The following FAT3 variants were observed in gnomAD, a reference collection of about 807,000 sequenced individuals.
FAT3 encodes FAT atypical cadherin 3, also known as protocadherin Fat 3.
Under a neutral mutation model 310.2 loss-of-function variants are expected in FAT3, and 95 were observed. That is an observed-to-expected ratio of 0.31 (90% CI 0.26 to 0.36). The LOEUF (loss-of-function observed/expected upper bound fraction) is 0.36, where lower values mean the gene tolerates loss of function less well. Among genes scored for constraint, FAT3 ranks in the 10% least tolerant of loss-of-function variants. FAT3 has a pLI of 1.00. For missense variants in FAT3, 5,408 were observed against 5,715.6 expected (o/e 0.95, Z 1.74); for synonymous variants, 2,314 against 2,192.9 (o/e 1.06, Z -1.54).
At position 92,416,906 on chromosome 11, in the gene FAT3, G is replaced by C. The variant is rs1411584197; in HGVS notation, c.3292+61502G>C. Among the ~76,000 whole-genome samples the C allele has an allele frequency of 2.6e-5, 4 of 152,202 alleles. No homozygotes were observed. The East Asian group carries it at 5.8e-4, about 22-fold the overall frequency. ...TTGACCTTTGGTTGGAGCAGATGAT[G>C]ATGAGCACCAGGACAGATGTGGGAA... On this transcript the variant is annotated intron_variant, in intron 2 of 27. Transcript: ENST00000525166.
At chr11:92,598,272 G>A (rs1939826811) in intron 3 of FAT3, among the ~76,000 whole-genome samples, 1 of 146,478 alleles carries the variant, frequency 6.8e-6, no homozygotes, top group Non-Finnish European at 1.5e-5. Context: ...TGTCACTCAG[G>A]CTGGAGTACA....
At chr11:92,846,784 A>C (rs890002258) in intron 19 of FAT3, among the ~76,000 whole-genome samples, 1 of 152,210 alleles carries the variant, frequency 6.6e-6, no homozygotes, top group South Asian at 2.1e-4. Context: ...GGGTTTGAAA[A>C]GCCAGCATTT....
intron 3 of FAT3, among the ~76,000 whole-genome samples, chr11:92,606,369 G>GC (rs1383756682): frequency 6.6e-6 from 1 of 152,154 alleles, no homozygotes; most frequent in African/African-American, 2.4e-5. Flanking sequence ...GGAGAGTGCA[G>GC]CATGCATGAC....
Position 92,809,872 on chromosome 11 carries a change from C to A in FAT3, c.9277C>A (p.Arg3093=), listed in dbSNP as rs1022891492. The change falls in exon 13 of 28, where the codon CGG becomes AGG. Residue 3093 remains arginine (R), a synonymous_variant. Coordinates refer to ENST00000525166, the MANE Select transcript of FAT3 (RefSeq NM_001367949.2). ...GTTAAAAACCTTGGCTCTGTTGGACCGGGAGAGGATCCCCGTGTACAGCCT... is the reference window on the plus strand; with the variant it reads ...GTTAAAAACCTTGGCTCTGTTGGACAGGGAGAGGATCCCCGTGTACAGCCT... The part of the protein sequence containing the change: ...GELKTLALLD[R]ERIPVYSLMA... 3 of 1,613,698 alleles carry A rather than the reference C, an allele frequency of 1.9e-6. No homozygotes were observed. Among genetic ancestry groups the A allele is most frequent in the African/African-American group, 1.3e-5 (1 of 74,918 alleles).
intron 1 of FAT3, among the ~76,000 whole-genome samples, chr11:92,316,461 C>G (rs1354520706): frequency 6.6e-6 from 1 of 152,106 alleles, no homozygotes; most frequent in Non-Finnish European, 1.5e-5. Context: ...CAATGGTTCT[C>G]CTAATGGCAT....
At position 92,880,844 on chromosome 11, in the gene FAT3, A is replaced by C. The variant is rs1297503521; in HGVS notation, c.12241A>C (p.Thr4081Pro). 1 of 1,614,000 alleles carries C rather than the reference A, an allele frequency of 6.2e-7. No homozygotes were observed. The highest frequency in any genetic ancestry group is 8.5e-7 in the Non-Finnish European group (1 of 1,179,884). Residue 4081 changes from threonine (T) to proline (P), a missense_variant, in exon 23 of 28, where the codon ACT (threonine) becomes CCT (proline). Physicochemically the swap from Thr to Pro is conservative, Grantham distance 38. Coordinates refer to ENST00000525166, the MANE Select transcript of FAT3 (RefSeq NM_001367949.2). ...AGGATCCTGCGATCCAATAGGAAAC[A>C]CTTTCATCTGCAATTGTAAAGCTGG... ...NGGSCDPIGN[T>P]FICNCKAGLT...
At chr11:92,457,785 G>A (rs551239139) in intron 2 of FAT3, among the ~76,000 whole-genome samples, 54 of 152,202 alleles carry the variant, frequency 3.5e-4, no homozygotes, top group Admixed American at 5.9e-4. Context: ...AGCCCGGTAC[G>A]GTGGCGTGCA....
At chr11:92,242,527 A>G (rs1864709279) in intron 1 of FAT3, among the ~76,000 whole-genome samples, 1 of 151,904 alleles carries the variant, frequency 6.6e-6, no homozygotes, top group South Asian at 2.1e-4. Context: ...TCAGGAGCCT[A>G]TTATACTGAG....
intron 2 of FAT3, among the ~76,000 whole-genome samples, chr11:92,416,876 T>C (rs1261831958): frequency 2.6e-5 from 4 of 152,182 alleles, no homozygotes; most frequent in African/African-American, 9.7e-5. Flanking sequence ...GAAAGATTGA[T>C]GCATTTGACC....
intron 2 of FAT3, among the ~76,000 whole-genome samples, chr11:92,499,919 G>T (rs948106365): frequency 1.3e-5 from 2 of 151,758 alleles, no homozygotes; most frequent in Non-Finnish European, 2.9e-5. Flanking sequence ...TAATTCTCAG[G>T]GTATCCATTC....
At chr11:92,536,140 A>G (rs1437190608) in intron 3 of FAT3, among the ~76,000 whole-genome samples, 1 of 152,148 alleles carries the variant, frequency 6.6e-6, no homozygotes, top group Non-Finnish European at 1.5e-5. Flanking sequence ...GTTCTTATAA[A>G]AGTGTGTAAG....
chr11:92,362,347 T>A (rs1948902814), intron 2 of FAT3, among the ~76,000 whole-genome samples: 1 of 152,260 alleles, frequency 6.6e-6, no homozygotes, highest in African/African-American at 2.4e-5. Context: ...AACTTTATAA[T>A]CGTGTTCAGA....
intron 2 of FAT3, among the ~76,000 whole-genome samples, chr11:92,481,209 C>T (rs1402050976): frequency 6.6e-6 from 1 of 152,040 alleles, no homozygotes; most frequent in African/African-American, 2.4e-5. Flanking sequence ...GTGCTGTTTC[C>T]ACCTCTTGCC....
intron 13 of FAT3, among the ~76,000 whole-genome samples, chr11:92,821,219 T>G (rs1208498018): frequency 1.3e-5 from 2 of 152,184 alleles, no homozygotes; most frequent in Admixed American, 6.5e-5. Flanking sequence ...AAAGAGACTT[T>G]CCCAAGATGA....
intron 3 of FAT3, among the ~76,000 whole-genome samples, chr11:92,612,866 C>G (rs1940630601): frequency 6.6e-6 from 1 of 152,084 alleles, no homozygotes; most frequent in African/African-American, 2.4e-5. Flanking sequence ...AAGGATACTT[C>G]AGGCACAGGG....
At chr11:92,263,079 G>T (rs1865623795) in intron 1 of FAT3, among the ~76,000 whole-genome samples, 1 of 151,644 alleles carries the variant, frequency 6.6e-6, no homozygotes, top group Non-Finnish European at 1.5e-5. Flanking sequence ...CATCTACCTG[G>T]GAATCCTTGG....
intron 1 of FAT3, among the ~76,000 whole-genome samples, chr11:92,233,873 T>C (rs1201391713): frequency 6.6e-6 from 1 of 152,196 alleles, no homozygotes; most frequent in Admixed American, 6.5e-5. Flanking sequence ...ACTTTATTCC[T>C]AAGTTGTATT....
chr11:92,531,648 G>A (rs984258077), intron 3 of FAT3, among the ~76,000 whole-genome samples: 3 of 152,160 alleles, frequency 2.0e-5, no homozygotes, highest in African/African-American at 7.2e-5. Flanking sequence ...AACAGGTAGC[G>A]ATGGTGTGGT....
intron 3 of FAT3, among the ~76,000 whole-genome samples, chr11:92,571,298 C>T (rs1419469965): frequency 2.0e-5 from 3 of 152,118 alleles, no homozygotes; most frequent in Non-Finnish European, 4.4e-5. Context: ...CATGTACTCT[C>T]CCAAGCCCAT....
Sources: gnomAD v4.1 joint callset for allele counts (sites outside exome capture counted in the v4.1 genomes callset) on GRCh38, gnomAD v4.1.1 for gene constraint, MANE v1.5 for transcripts, NCBI Gene and HGNC (gene_info 2026-07-23, HGNC 2026-07-21) for gene names.